SLIT1: variants seen among roughly 807,000 people sequenced by gnomAD.
The protein encoded by SLIT1 is slit guidance ligand 1, also known as slit homolog 1 protein.
Under a neutral mutation model 186.1 loss-of-function variants are expected in SLIT1, and 66 were observed. The observed-to-expected ratio is 0.35, with a 90% CI of 0.29 to 0.44. The LOEUF (loss-of-function observed/expected upper bound fraction) is 0.44. Ranked by LOEUF, SLIT1 falls within the 20% of genes least tolerant of loss-of-function variation. The pLI, the probability that SLIT1 is intolerant of heterozygous loss-of-function variation, is 1.00. For synonymous variants in SLIT1, 761 were observed against 833.8 expected (o/e 0.91, Z 1.50); for missense variants, 1,638 against 2,037.4 (o/e 0.80, Z 3.77).
chr10:97,058,338 G>A (rs1848860537), intron 11 of SLIT1, among the ~76,000 whole-genome samples: 1 of 152,176 alleles, frequency 6.6e-6, no homozygotes. Context: ...CAGGGAGGTG[G>A]CTGTGACCAG....
intron 25 of SLIT1, among the ~76,000 whole-genome samples, chr10:97,025,280 G>A (rs780064765): frequency 6.0e-5 from 9 of 151,010 alleles, no homozygotes; most frequent in South Asian, 2.2e-4. Flanking sequence ...CACACCAGCC[G>A]TCTCAAAAAA....
chr10:97,129,563 G>A (rs1199370370), intron 4 of SLIT1, among the ~76,000 whole-genome samples: 1 of 152,138 alleles, frequency 6.6e-6, no homozygotes, highest in East Asian at 1.9e-4. Context: ...CTTATTCTAA[G>A]ATGAGGAATC....
intron 25 of SLIT1, among the ~76,000 whole-genome samples, chr10:97,026,464 C>CTAAATAAATAAATAAA (rs10624448): frequency 2.2e-4 from 33 of 149,564 alleles, no homozygotes; most frequent in South Asian, 6.5e-4. Context: ...AACTCCGTCT[C>CTAAATAAATAAATAAA]TAAATAAATA....
intron 25 of SLIT1, among the ~76,000 whole-genome samples, chr10:97,030,205 G>A (rs1287000527): frequency 4.6e-5 from 7 of 152,124 alleles, no homozygotes; most frequent in Non-Finnish European, 1.5e-5. Flanking sequence ...CTGCTTTTAA[G>A]GAATTCTCAT....
Position 97,132,120 on chromosome 10 carries a change from T to C in SLIT1, c.413+25698A>G, listed in dbSNP as rs573854621. Among the ~76,000 whole-genome samples, 87 of 152,278 alleles carry C rather than the reference T, an allele frequency of 5.7e-4. 1 individual carries two copies. The highest frequency in any genetic ancestry group is 2.1e-3 in the African/African-American group (86 of 41,572). On this transcript the variant is annotated intron_variant, in intron 4 of 36. Transcript: ENST00000266058. The stretch of plus-strand genomic sequence containing the variant: ...CCCCAGGCTCACTGCCCTGGACCCC[T>C]GGGGTGTCCAAACTCCTGCAGAACC...
intron 34 of SLIT1, among the ~76,000 whole-genome samples, chr10:97,003,619 T>C (rs1848332010): frequency 6.6e-6 from 1 of 152,034 alleles, no homozygotes; most frequent in Non-Finnish European, 1.5e-5. Context: ...TTGCAGGTGG[T>C]AGACGGGGTC....
At chr10:97,174,237 A>G (rs561977294) in intron 1 of SLIT1, among the ~76,000 whole-genome samples, 6 of 152,226 alleles carry the variant, frequency 3.9e-5, no homozygotes, top group Non-Finnish European at 7.3e-5. Context: ...GAGAGGCCAC[A>G]GCTGGTTTGC....
intron 4 of SLIT1, among the ~76,000 whole-genome samples, chr10:97,082,431 T>TTTTA (rs1386650554): frequency 2.8e-4 from 43 of 152,250 alleles, no homozygotes; most frequent in East Asian, 1.5e-3. Flanking sequence ...TTATTTTTTA[T>TTTTA]TTTATTTATT....
intron 4 of SLIT1, among the ~76,000 whole-genome samples, chr10:97,127,207 A>G (rs889222841): frequency 7.2e-5 from 11 of 151,902 alleles, no homozygotes; most frequent in African/African-American, 2.4e-4. Flanking sequence ...AATGGCGTGA[A>G]CCTGGGAGGC....
intron 5 of SLIT1, 152 bp from the exon 6 acceptor site, chr10:97,065,028 G>A (rs1848930984): frequency 4.2e-6 from 2 of 477,244 alleles, no homozygotes; most frequent in East Asian, 6.5e-5. Context: ...GCGAACATTA[G>A]TAAAAACTTA....
intron 4 of SLIT1, among the ~76,000 whole-genome samples, chr10:97,080,720 A>C: frequency 6.6e-6 from 1 of 152,334 alleles, no homozygotes; most frequent in South Asian, 2.1e-4. Context: ...AAACCAGTCA[A>C]CTCACACCAA....
At chr10:97,131,871 G>C (rs1049941912) in intron 4 of SLIT1, among the ~76,000 whole-genome samples, 90 of 152,270 alleles carry the variant, frequency 5.9e-4, no homozygotes, top group African/African-American at 2.1e-3. Flanking sequence ...CTAAGTATCC[G>C]CATGCTGCCA....
chr10:97,169,334 G>A (rs1023065280), intron 1 of SLIT1, among the ~76,000 whole-genome samples: 1 of 152,224 alleles, frequency 6.6e-6, no homozygotes, highest in African/African-American at 2.4e-5. Context: ...AGGGCTGGCT[G>A]CCTAAGGAGG....
rs147790067 is a variant in SLIT1, at chr10:97,052,785, A to G, written c.1301+3536T>C. On this transcript the variant is annotated intron_variant, in intron 13 of 36. Coordinates refer to ENST00000266058, the MANE Select transcript of SLIT1 (RefSeq NM_003061.3). ...GTAAATTTAAATCTGCTCAGGTTTA[A>G]TAAAATAAGACTCAGTCAAGAAACT... 2.6e-5 allele frequency among the ~76,000 whole-genome samples: 4 copies of G among 152,372 alleles called. No individual in the cohort carries two copies. The East Asian group carries it at 5.8e-4, about 22-fold the overall frequency.
chr10:97,036,602 T>C (rs1848640664), intron 22 of SLIT1, among the ~76,000 whole-genome samples: 2 of 152,232 alleles, frequency 1.3e-5, no homozygotes, highest in South Asian at 2.1e-4. Flanking sequence ...AATACATTGA[T>C]TTAGATTCTG....
At chr10:97,153,135 G>GC (rs1849899643) in intron 4 of SLIT1, 3 of 152,298 alleles carry the variant, frequency 2.0e-5, no homozygotes, top group Non-Finnish European at 4.4e-5. Flanking sequence ...GCTCTTCAGG[G>GC]CCCCTAGAAG....
At chr10:97,179,809 C>CA (rs929792475) in intron 1 of SLIT1, among the ~76,000 whole-genome samples, 6 of 151,140 alleles carry the variant, frequency 4.0e-5, no homozygotes, top group South Asian at 2.1e-4. Context: ...CTCCCCGCCC[C>CA]CCGGCACAGC....
chr10:97,018,963 C>T lies in SLIT1; in HGVS notation c.2871+20G>A, dbSNP rs371616001. ...GTACACGAAGAGCCCTCCTCCTCCC[C>T]GGCCTCTGCCTCCACTCACCTTATA... is the stretch of plus-strand genomic sequence containing the variant. On this transcript the variant is annotated intron_variant, in intron 27 of 36. Coordinates refer to ENST00000266058, the MANE Select transcript of SLIT1 (RefSeq NM_003061.3). 1.5e-5 allele frequency: 22 copies of T among 1,483,924 alleles called. 1 individual carries two copies. Among genetic ancestry groups the T allele is most frequent in the African/African-American group, 2.8e-5 (2 of 72,572 alleles). The allele number at this position is 1,483,924 out of a possible 1,614,324, so 91.9% of individuals were successfully genotyped here.
At chr10:97,080,809 A>T (rs1199850331) in intron 4 of SLIT1, among the ~76,000 whole-genome samples, 1 of 152,236 alleles carries the variant, frequency 6.6e-6, no homozygotes, top group African/African-American at 2.4e-5. Context: ...TTTTGGGGCA[A>T]ATTGGCTTTT....
Sources: allele counts gnomAD v4.1 joint callset (sites outside exome capture counted in the v4.1 genomes callset), GRCh38; gene constraint gnomAD v4.1.1; transcripts MANE v1.5; gene names NCBI Gene and HGNC (gene_info 2026-07-23, HGNC 2026-07-21).